Variants in SYNJ2 observed in about 807,000 individuals in gnomAD.
SYNJ2 encodes the protein polyphosphatidylinositol phosphatase SYNJ2.
A neutral mutation model predicts 141.3 loss-of-function variants in SYNJ2; 116 were observed. The observed-to-expected ratio is 0.82, with a 90% CI of 0.71 to 0.96. The LOEUF is 0.96. Among genes scored for constraint, SYNJ2 ranks in the 40% least tolerant of loss-of-function variants. SYNJ2 has a pLI of 0.00. For synonymous variants in SYNJ2, 745 were observed against 777.7 expected, an observed-to-expected ratio of 0.96 and a Z score of 0.70; for missense variants, 1,873 against 1,934.8, an observed-to-expected ratio of 0.97 and a Z score of 0.60.
intron 13 of SYNJ2, 92 bp from the exon 14 acceptor site, chr6:158,069,441 A>G: frequency 6.8e-7 from 1 of 1,468,686 alleles, no homozygotes; most frequent in South Asian, 1.4e-5. Flanking sequence ...AGTTCTGCAA[A>G]CAGAATAGGC....
At position 158,017,250 on chromosome 6, in the gene SYNJ2, G is replaced by A. The variant is rs530198926; in HGVS notation, c.174G>A (p.Thr58=). ...EVIKGQYGKL[T]DAYGCLGELR... is the part of the protein sequence containing the mutation. Reference sequence around the variant, plus strand: ...TTAAAGGACAGTATGGCAAGCTCACGGACGCGTACGGCTGCCTGGGGGAGC... The same window carrying A: ...TTAAAGGACAGTATGGCAAGCTCACAGACGCGTACGGCTGCCTGGGGGAGC... The change falls in exon 2 of 27, where the codon ACG becomes ACA. Residue 58 remains threonine (T), a synonymous_variant. Coordinates refer to ENST00000355585, the MANE Select transcript of SYNJ2 (RefSeq NM_003898.4). The A allele has an allele frequency of 7.6e-5, 123 of 1,613,962 alleles. 1 individual carries two copies. The South Asian group carries it at 1.1e-3, about 15-fold the overall frequency.
rs1781883791 is a variant in SYNJ2, at chr6:158,070,965, T to C, written c.1941-637T>C. On this transcript the variant is annotated intron_variant, in intron 14 of 26. Transcript: ENST00000355585. This position sits in a 1 kb window ranked among gnomAD's most constrained non-coding sequence, Gnocchi z 4.0. ...TGGGAGGCCAAGGCAGGCAGATCACTTGAGGTGAGGAGTTTGAGACCAGCC... is the reference window on the plus strand; with the variant it reads ...TGGGAGGCCAAGGCAGGCAGATCACCTGAGGTGAGGAGTTTGAGACCAGCC... Among the ~76,000 whole-genome samples the C allele has an allele frequency of 1.3e-5, 2 of 152,108 alleles. No individual in the cohort carries two copies.
chr6:158,040,360 T>C lies in SYNJ2; in HGVS notation c.712-2956T>C, dbSNP rs116356765. ...TATACACACATGTGTGGGTTGTGTA[T>C]GTGTTGTGTGTCTGCACGCACAGAT... On this transcript the variant is annotated intron_variant, in intron 4 of 26. Coordinates refer to ENST00000355585, the MANE Select transcript of SYNJ2 (RefSeq NM_003898.4). This position sits in a 1 kb window ranked among gnomAD's most constrained non-coding sequence, Gnocchi z 4.2. Among the ~76,000 whole-genome samples, 1,650 of 152,266 alleles carry C rather than the reference T, an allele frequency of 0.011. 42 individuals carry two copies. Among genetic ancestry groups the C allele is most frequent in the African/African-American group, 0.038 (1,563 of 41,550 alleles).
chr6:158,081,976 A>G (rs1782718983), intron 20 of SYNJ2, among the ~76,000 whole-genome samples: 1 of 151,934 alleles, frequency 6.6e-6, no homozygotes, highest in South Asian at 2.1e-4. Flanking sequence ...TTATGTATAG[A>G]CGCCATATGC....
intron 4 of SYNJ2, among the ~76,000 whole-genome samples, chr6:158,043,000 C>T (rs936991630): frequency 6.6e-6 from 1 of 152,146 alleles, no homozygotes; most frequent in Non-Finnish European, 1.5e-5. Context: ...CAGGGGGTGG[C>T]GGAAGGCTGT....
chr6:158,046,083 C>T (rs563481526), intron 5 of SYNJ2, among the ~76,000 whole-genome samples: 1 of 152,202 alleles, frequency 6.6e-6, no homozygotes, highest in African/African-American at 2.4e-5. Flanking sequence ...GCTGGGGTTA[C>T]AGGCACCCAC....
At position 158,086,845 on chromosome 6, in the gene SYNJ2, T is replaced by C. The variant is rs1386946620; in HGVS notation, c.3209-10T>C. ...AGACCATTGTACTCATGCCCCGCCA[T>C]GTCCTCCAGATGACGCGGACCTGGT... is the stretch of plus-strand genomic sequence containing the variant. On this transcript the variant is annotated splice_polypyrimidine_tract_variant and intron_variant, in intron 22 of 26. Coordinates refer to ENST00000355585, the MANE Select transcript of SYNJ2 (RefSeq NM_003898.4). The C allele has an allele frequency of 6.2e-7, 1 of 1,611,426 alleles. No individual in the cohort carries two copies. The highest frequency in any genetic ancestry group is 8.5e-7 in the Non-Finnish European group (1 of 1,179,988).
At chr6:158,038,680 C>T (rs1779767471) in intron 4 of SYNJ2, among the ~76,000 whole-genome samples, 1 of 152,230 alleles carries the variant, frequency 6.6e-6, no homozygotes, top group Non-Finnish European at 1.5e-5. Context: ...AGGCTCTGCT[C>T]CCAGGTGGGT....
chr6:158,029,083 C>CCCTGGGTCTCCTGCAGAGGGTGGGT (rs1779220193), intron 3 of SYNJ2, 57 bp downstream of exon 3: 1 of 1,577,704 alleles, frequency 6.3e-7, no homozygotes, highest in African/African-American at 1.4e-5. Flanking sequence ...AGAGGGTGGG[C>CCCTGGGTCTCCTGCAGAGGGTGGGT]CCTGGTTGGC....
Position 158,084,586 on chromosome 6 carries a change from C to G in SYNJ2, c.3208+412C>G, listed in dbSNP as rs1299925582. ...TTGGGAGGCCGAGACAGGTGGATCG[C>G]TTGAGGTCAGGAGTTCAAGACCAGC... On this transcript the variant is annotated intron_variant, in intron 22 of 26. Coordinates refer to ENST00000355585, the MANE Select transcript of SYNJ2 (RefSeq NM_003898.4). The surrounding 1 kb of genome is among the most constrained non-coding windows in gnomAD (Gnocchi z 5.0). Among the ~76,000 whole-genome samples the G allele has an allele frequency of 6.6e-6, 1 of 152,092 alleles. No individual in the cohort carries two copies. The highest frequency in any genetic ancestry group is 1.5e-5 in the Non-Finnish European group (1 of 68,024).
chr6:158,036,414 A>G (rs1171578530), intron 4 of SYNJ2, among the ~76,000 whole-genome samples: 1 of 152,264 alleles, frequency 6.6e-6, no homozygotes, highest in Non-Finnish European at 1.5e-5. Flanking sequence ...GTTTGTATAC[A>G]GCATGGAATA....
At chr6:158,030,666 CGGATCACCTGA>C (rs1779314717) in intron 3 of SYNJ2, 1 of 152,284 alleles carries the variant, frequency 6.6e-6, no homozygotes, top group African/African-American at 2.4e-5. Flanking sequence ...CCAAGGCAGG[CGGATCACCTGA>C]GGTCAGCAGT....
chr6:158,043,404 G>A lies in SYNJ2; in HGVS notation c.795+5G>A. ...TGGGAACAGCCAGGGCTTCAGGTAG[G>A]TCATGAAAAAACTTAAATGTCCCCT... On this transcript the variant is annotated splice_donor_5th_base_variant and intron_variant, in intron 5 of 26. Coordinates refer to ENST00000355585, the MANE Select transcript of SYNJ2 (RefSeq NM_003898.4). The surrounding 1 kb of genome is among the most constrained non-coding windows in gnomAD (Gnocchi z 4.0). The A allele has an allele frequency of 3.1e-6, 5 of 1,613,370 alleles. No individual in the cohort carries two copies. The highest frequency in any genetic ancestry group is 4.2e-6 in the Non-Finnish European group (5 of 1,179,420).
chr6:157,993,076 CAT>C (rs1323732902), intron 1 of SYNJ2, among the ~76,000 whole-genome samples: 11 of 150,186 alleles, frequency 7.3e-5, no homozygotes, highest in African/African-American at 1.2e-4. Context: ...ACATATATAA[CAT>C]ATGTATACTA....
chr6:157,996,714 T>C (rs530860126), intron 1 of SYNJ2, among the ~76,000 whole-genome samples: 2 of 152,310 alleles, frequency 1.3e-5, no homozygotes, highest in East Asian at 3.9e-4. Flanking sequence ...GGGGTTATCA[T>C]TGAAACAGTG....
At chr6:158,058,211 G>A (rs1017034218) in intron 6 of SYNJ2, among the ~76,000 whole-genome samples, 1 of 152,126 alleles carries the variant, frequency 6.6e-6, no homozygotes, top group Non-Finnish European at 1.5e-5. Context: ...GACATCATGT[G>A]TTTTTTTCCA....
chr6:157,997,318 A>T (rs1414461033), intron 1 of SYNJ2, among the ~76,000 whole-genome samples: 1 of 152,214 alleles, frequency 6.6e-6, no homozygotes, highest in Non-Finnish European at 1.5e-5. Flanking sequence ...TGCAATGAAG[A>T]TGTAAGTTAA....
chr6:158,087,488 G>C (rs555594298), intron 23 of SYNJ2, among the ~76,000 whole-genome samples: 8 of 152,260 alleles, frequency 5.3e-5, no homozygotes, highest in Non-Finnish European at 7.4e-5. Flanking sequence ...ATTTTCTTCT[G>C]GTTGTTCGAA....
intron 4 of SYNJ2, among the ~76,000 whole-genome samples, chr6:158,035,186 A>G (rs889222520): frequency 4.6e-5 from 7 of 152,130 alleles, no homozygotes; most frequent in African/African-American, 1.7e-4. Context: ...TTCCATATGA[A>G]TTTTAAAATA....
Sources: allele counts gnomAD v4.1 joint callset (sites outside exome capture counted in the v4.1 genomes callset), GRCh38; gene constraint gnomAD v4.1.1; non-coding constraint Gnocchi (gnomAD v3.1); transcripts MANE v1.5; gene names NCBI Gene and HGNC (gene_info 2026-07-23, HGNC 2026-07-21).